The following TSPAN5 variants were observed in gnomAD, a reference collection of about 807,000 sequenced individuals.
TSPAN5 encodes tetraspanin 5, also known as tetraspanin-5.
TSPAN5 carries 10 observed loss-of-function variants against 37.1 expected under a neutral mutation model. The observed-to-expected ratio is 0.27, with a 90% CI of 0.17 to 0.46. The LOEUF (loss-of-function observed/expected upper bound fraction) is 0.46. Ranked by LOEUF, TSPAN5 falls within the 20% of genes least tolerant of loss-of-function variation. The probability of loss-of-function intolerance (pLI) is 1.00; values close to 1 mark genes in which losing one functional copy is unlikely to be tolerated. For missense variants in TSPAN5, 195 were observed against 326.6 expected (o/e 0.60, Z 3.11); for synonymous variants, 110 against 118.9 (o/e 0.93, Z 0.48).
chr4:98,617,515 A>G (rs1756368653), intron 1 of TSPAN5, among the ~76,000 whole-genome samples: 1 of 152,220 alleles, frequency 6.6e-6, no homozygotes. Context: ...AGCACTGCTT[A>G]CTGCTCTACA....
At chr4:98,633,660 A>G (rs963083086) in intron 1 of TSPAN5, among the ~76,000 whole-genome samples, 1 of 152,226 alleles carries the variant, frequency 6.6e-6, no homozygotes, top group African/African-American at 2.4e-5. Context: ...TTAGGTTACA[A>G]TGGCTGCACT....
At chr4:98,620,468 C>G (rs1756456417) in intron 1 of TSPAN5, among the ~76,000 whole-genome samples, 1 of 152,240 alleles carries the variant, frequency 6.6e-6, no homozygotes, top group Non-Finnish European at 1.5e-5. Context: ...TAGGCCGTCT[C>G]TATTCCTGAC....
At chr4:98,636,612 A>G (rs927747852) in intron 1 of TSPAN5, among the ~76,000 whole-genome samples, 6 of 152,144 alleles carry the variant, frequency 3.9e-5, no homozygotes, top group Non-Finnish European at 8.8e-5. Context: ...TTTTACATAT[A>G]AATATTATCT....
At chr4:98,496,035 T>C (rs1378507306) in intron 2 of TSPAN5, among the ~76,000 whole-genome samples, 3 of 152,056 alleles carry the variant, frequency 2.0e-5, no homozygotes, top group Admixed American at 6.6e-5. Flanking sequence ...AACCCCTCCA[T>C]AAACCAGATC....
intron 1 of TSPAN5, among the ~76,000 whole-genome samples, chr4:98,585,010 C>A (rs926697092): frequency 2.0e-5 from 3 of 152,162 alleles, no homozygotes; most frequent in African/African-American, 7.2e-5. Flanking sequence ...ATTCTTCTCA[C>A]AATTTCTTCA....
At chr4:98,544,650 C>T (rs908247400) in intron 1 of TSPAN5, among the ~76,000 whole-genome samples, 1 of 151,764 alleles carries the variant, frequency 6.6e-6, no homozygotes, top group Non-Finnish European at 1.5e-5. Flanking sequence ...TAAAGGTGTG[C>T]GAAAGCAGAG....
At chr4:98,522,814 G>A (rs1315566302) in intron 1 of TSPAN5, among the ~76,000 whole-genome samples, 1 of 152,196 alleles carries the variant, frequency 6.6e-6, no homozygotes, top group Non-Finnish European at 1.5e-5. Context: ...AGGGCAGCCT[G>A]ACGACACCAT....
At chr4:98,562,494 C>G (rs1292075496) in intron 1 of TSPAN5, among the ~76,000 whole-genome samples, 2 of 152,226 alleles carry the variant, frequency 1.3e-5, no homozygotes, top group African/African-American at 4.8e-5. Flanking sequence ...AACCCCATCT[C>G]TACTAAAAAT....
At chr4:98,545,896 G>A (rs1754459531) in intron 1 of TSPAN5, among the ~76,000 whole-genome samples, 1 of 151,994 alleles carries the variant, frequency 6.6e-6, no homozygotes, top group Non-Finnish European at 1.5e-5. Context: ...TAATCCAACT[G>A]GAGATACACA....
At chr4:98,511,989 C>T (rs1265929511) in intron 1 of TSPAN5, among the ~76,000 whole-genome samples, 9 of 152,078 alleles carry the variant, frequency 5.9e-5, no homozygotes, top group Non-Finnish European at 1.2e-4. Flanking sequence ...CCAAGGTGGG[C>T]GGATCATGAG....
intron 1 of TSPAN5, among the ~76,000 whole-genome samples, chr4:98,600,258 C>T (rs1755853572): frequency 6.6e-6 from 1 of 152,196 alleles, no homozygotes; most frequent in South Asian, 2.1e-4. Context: ...TGACTGATGA[C>T]GGTGGTGGCG....
At chr4:98,548,011 C>CAAAAAA (rs535093440) in intron 1 of TSPAN5, among the ~76,000 whole-genome samples, 2 of 89,292 alleles carry the variant, frequency 2.2e-5, no homozygotes, top group African/African-American at 8.8e-5. Context: ...GACTCTGTCT[C>CAAAAAA]AAAAAAAAAA....
At chr4:98,630,650 T>C (rs908112565) in intron 1 of TSPAN5, among the ~76,000 whole-genome samples, 12 of 152,322 alleles carry the variant, frequency 7.9e-5, no homozygotes, top group African/African-American at 2.9e-4. Flanking sequence ...TCCTGTGCAT[T>C]GGTGCTACCC....
intron 1 of TSPAN5, among the ~76,000 whole-genome samples, chr4:98,549,010 A>C (rs1754538936): frequency 6.6e-6 from 1 of 152,070 alleles, no homozygotes; most frequent in African/African-American, 2.4e-5. Flanking sequence ...AGTGTGGTGA[A>C]CATATGACTT....
chr4:98,522,328 G>C (rs975618827), intron 1 of TSPAN5, among the ~76,000 whole-genome samples: 3 of 152,166 alleles, frequency 2.0e-5, no homozygotes, highest in African/African-American at 4.8e-5. Context: ...TCAAGTCCAC[G>C]CTGAAACAGG....
At chr4:98,593,043 C>T (rs1175608409) in intron 1 of TSPAN5, among the ~76,000 whole-genome samples, 1 of 74,550 alleles carries the variant, frequency 1.3e-5, no homozygotes, top group Non-Finnish European at 2.6e-5. Flanking sequence ...AACTAGTTTA[C>T]AGTCCCACCA....
intron 1 of TSPAN5, among the ~76,000 whole-genome samples, chr4:98,545,265 G>A (rs1318109367): frequency 2.6e-5 from 4 of 152,218 alleles, no homozygotes; most frequent in African/African-American, 9.6e-5. Flanking sequence ...GAGAAAGGCA[G>A]AGCAAGAAAT....
chr4:98,648,333 AGT>A (rs1369242115), intron 1 of TSPAN5, among the ~76,000 whole-genome samples: 4 of 152,176 alleles, frequency 2.6e-5, no homozygotes, highest in Non-Finnish European at 4.4e-5. Flanking sequence ...GAACAGCAAC[AGT>A]GGATGGGGAG....
chr4:98,585,168 T>G (rs1026094917), intron 1 of TSPAN5, among the ~76,000 whole-genome samples: 1 of 152,212 alleles, frequency 6.6e-6, no homozygotes, highest in Non-Finnish European at 1.5e-5. Flanking sequence ...CAAGTGCATA[T>G]TTTCTGGTGT....
Sources: gnomAD v4.1 joint callset for allele counts (sites outside exome capture counted in the v4.1 genomes callset) on GRCh38, gnomAD v4.1.1 for gene constraint, MANE v1.5 for transcripts, NCBI Gene and HGNC (gene_info 2026-07-23, HGNC 2026-07-21) for gene names.